The following DLG2 variants were observed in gnomAD, a reference collection of about 807,000 sequenced individuals.
DLG2 encodes the protein discs large MAGUK scaffold protein 2, also known as disks large homolog 2.
DLG2 carries 45 observed loss-of-function variants against 132.5 expected under a neutral mutation model. The ratio of observed to expected loss-of-function variants is 0.34; its 90% confidence interval spans 0.27 to 0.44. DLG2 has a LOEUF of 0.44. Ranked by LOEUF, DLG2 falls within the 20% of genes least tolerant of loss-of-function variation. The probability of loss-of-function intolerance (pLI) is 1.00; values close to 1 mark genes in which losing one functional copy is unlikely to be tolerated. For synonymous variants in DLG2, 424 were observed against 419.6 expected, an observed-to-expected ratio of 1.01 and a Z score of -0.13; for missense variants, 1,045 against 1,196.9, an observed-to-expected ratio of 0.87 and a Z score of 1.87.
rs529053035 is a variant in DLG2 at position 83,947,516 on chromosome 11, C to T, written c.1340+15369G>A. On this transcript the variant is annotated intron_variant, in intron 14 of 27. Transcript: ENST00000376104. ...GCATTCACTTCTTAACCTCACTCTA[C>T]CACTCCCAGCTAGCTCAACTATCAT... 2.5e-3 allele frequency among the ~76,000 whole-genome samples: 382 copies of T among 152,246 alleles called. 2 individuals are homozygous for T. The highest frequency in any genetic ancestry group is 8.9e-3 in the African/African-American group (369 of 41,550).
chr11:85,615,475 C>T (rs935325465), intron 2 of DLG2, among the ~76,000 whole-genome samples: 1 of 151,866 alleles, frequency 6.6e-6, no homozygotes, highest in Non-Finnish European at 1.5e-5. Flanking sequence ...TGAGATCATG[C>T]CACTGCACTC....
At chr11:84,520,297 T>C (rs2099292164) in intron 7 of DLG2, among the ~76,000 whole-genome samples, 1 of 152,230 alleles carries the variant, frequency 6.6e-6, no homozygotes, top group Non-Finnish European at 1.5e-5. Flanking sequence ...CTGAGTCTAT[T>C]CTCCAAGGAC....
intron 6 of DLG2, among the ~76,000 whole-genome samples, chr11:84,653,997 T>A (rs2099685194): frequency 6.6e-6 from 1 of 152,172 alleles, no homozygotes. Context: ...AGCTTTTCTG[T>A]TTGTAGATGA....
intron 7 of DLG2, among the ~76,000 whole-genome samples, chr11:84,349,839 T>A (rs2098554859): frequency 6.6e-6 from 1 of 151,102 alleles, no homozygotes; most frequent in Non-Finnish European, 1.5e-5. Flanking sequence ...GCCTCTAAAA[T>A]ATATATATAT....
chr11:84,965,945 C>A (rs1269598866), intron 6 of DLG2, among the ~76,000 whole-genome samples: 1 of 152,056 alleles, frequency 6.6e-6, no homozygotes, highest in Non-Finnish European at 1.5e-5. Flanking sequence ...AGTTTAAATT[C>A]ACTTTTTAAA....
chr11:83,891,820 T>A (rs1596026574), intron 15 of DLG2, among the ~76,000 whole-genome samples: 1 of 152,334 alleles, frequency 6.6e-6, no homozygotes, highest in East Asian at 1.9e-4. Context: ...TATTGATTTT[T>A]CATGCAGACA....
chr11:84,078,188 C>T (rs968238477), intron 10 of DLG2, among the ~76,000 whole-genome samples: 22 of 152,160 alleles, frequency 1.4e-4, no homozygotes, highest in Admixed American at 2.6e-4. Flanking sequence ...AAGAGTAAGA[C>T]AAGATTCAGA....
chr11:83,977,223 A>T (rs2092345542), intron 12 of DLG2, among the ~76,000 whole-genome samples: 1 of 151,954 alleles, frequency 6.6e-6, no homozygotes, highest in Non-Finnish European at 1.5e-5. Context: ...GCTTTGCAAA[A>T]AGCATAAGTC....
At chr11:83,723,981 A>G (rs1346890204) in intron 18 of DLG2, among the ~76,000 whole-genome samples, 1 of 152,224 alleles carries the variant, frequency 6.6e-6, no homozygotes, top group Middle Eastern at 3.2e-3. Context: ...CTGGGATTTG[A>G]ATTCAGGCAG....
At chr11:83,542,177 T>G (rs983148658) in intron 19 of DLG2, among the ~76,000 whole-genome samples, 1 of 152,162 alleles carries the variant, frequency 6.6e-6, no homozygotes, top group African/African-American at 2.4e-5. Context: ...AGTTGAGATT[T>G]TTTTCCCCTC....
At chr11:85,192,967 T>C (rs1446797358) in intron 4 of DLG2, among the ~76,000 whole-genome samples, 2 of 152,198 alleles carry the variant, frequency 1.3e-5, no homozygotes, top group African/African-American at 2.4e-5. Flanking sequence ...AACAGAAATA[T>C]GCCTTTCTGA....
intron 6 of DLG2, among the ~76,000 whole-genome samples, chr11:85,095,917 C>A (rs1238728): frequency 6.6e-6 from 1 of 151,940 alleles, no homozygotes; most frequent in African/African-American, 2.4e-5. Context: ...TTCATGCTGA[C>A]AGGTGAAGCC....
chr11:84,209,146 C>T (rs1377946388), intron 8 of DLG2, among the ~76,000 whole-genome samples: 1 of 152,212 alleles, frequency 6.6e-6, no homozygotes, highest in Non-Finnish European at 1.5e-5. Flanking sequence ...AGATATTACA[C>T]ATCACCTCAT....
At chr11:84,777,677 T>G (rs1186071925) in intron 6 of DLG2, among the ~76,000 whole-genome samples, 1 of 152,094 alleles carries the variant, frequency 6.6e-6, no homozygotes, top group Non-Finnish European at 1.5e-5. Context: ...TGGGGTAAGA[T>G]ATCTCACTGT....
chr11:85,623,596 C>T (rs954359127), intron 2 of DLG2, among the ~76,000 whole-genome samples: 5 of 152,122 alleles, frequency 3.3e-5, no homozygotes, highest in African/African-American at 1.2e-4. Flanking sequence ...AGCCACCGCG[C>T]CTGGCAATAG....
intron 6 of DLG2, among the ~76,000 whole-genome samples, chr11:84,653,026 G>A (rs1169476251): frequency 6.6e-6 from 1 of 151,644 alleles, no homozygotes; most frequent in African/African-American, 2.4e-5. Context: ...CTACCTCCCG[G>A]GTCCAAGTGA....
intron 5 of DLG2, among the ~76,000 whole-genome samples, chr11:85,145,662 C>A (rs1279070386): frequency 6.6e-6 from 1 of 151,958 alleles, no homozygotes; most frequent in African/African-American, 2.4e-5. Context: ...AGCTGCAGAA[C>A]TTCTGCTTGA....
chr11:84,680,596 A>C (rs933029731), intron 6 of DLG2, among the ~76,000 whole-genome samples: 1 of 152,188 alleles, frequency 6.6e-6, no homozygotes. Flanking sequence ...TTGTCTAAAA[A>C]TTTAGCTAAT....
chr11:84,840,021 A>G (rs546124816), intron 6 of DLG2, among the ~76,000 whole-genome samples: 2 of 152,322 alleles, frequency 1.3e-5, no homozygotes, highest in Non-Finnish European at 1.5e-5. Context: ...GCTTCTGTAC[A>G]TCAAAAGAAA....
Sources: allele counts gnomAD v4.1 joint callset (sites outside exome capture counted in the v4.1 genomes callset), GRCh38; gene constraint gnomAD v4.1.1; transcripts MANE v1.5; gene names NCBI Gene and HGNC (gene_info 2026-07-23, HGNC 2026-07-21).